The following OBP2B variants were observed in gnomAD, a reference collection of about 807,000 sequenced individuals.
OBP2B encodes the protein odorant-binding protein 2b.
Under a neutral mutation model 21.7 loss-of-function variants are expected in OBP2B, and 10 were observed. The observed-to-expected ratio is 0.46, with a 90% CI of 0.28 to 0.78. OBP2B has a LOEUF of 0.78. OBP2B is among the 30% of genes least tolerant of loss of function. OBP2B has a pLI of 0.11. For synonymous variants in OBP2B, 73 were observed against 91.5 expected (o/e 0.80, Z 1.16); for missense variants, 153 against 217.7 (o/e 0.70, Z 1.87).
At chr9:133,220,537 G>C in the OBP2B span, among the ~76,000 whole-genome samples, 67 of 151,132 alleles carry the variant, frequency 4.4e-4, no homozygotes, top group African/African-American at 1.6e-3. Flanking sequence ...ACTGAATAAT[G>C]GTCCCCTGAA....
At chr9:133,206,491 G>A in intron 4 of OBP2B, 75 bp from the exon 5 acceptor site, 1 of 1,582,796 alleles carries the variant, frequency 6.3e-7, no homozygotes, top group Non-Finnish European at 8.6e-7. Context: ...GCCGAAAGGA[G>A]ACGACCACGG....
chr9:133,211,783 A>T (rs1466633917), upstream of OBP2B, among the ~76,000 whole-genome samples: 1 of 152,216 alleles, frequency 6.6e-6, no homozygotes, highest in African/African-American at 2.4e-5. Context: ...TGAGAAAATA[A>T]ATTTTTGTTC....
chr9:133,212,235 T>C (rs1304269148), upstream of OBP2B, among the ~76,000 whole-genome samples: 4 of 152,220 alleles, frequency 2.6e-5, no homozygotes, highest in African/African-American at 9.7e-5. Context: ...GCCACAATTA[T>C]AGTTGGAGAC....
intron 1 of OBP2B, 111 bp from the exon 2 acceptor site, chr9:133,208,713 C>T (rs1833831119): frequency 6.6e-7 from 1 of 1,515,514 alleles, no homozygotes; most frequent in Non-Finnish European, 8.9e-7. Context: ...GGCTGCTGCC[C>T]TTAAAGGCAG....
the OBP2B span, among the ~76,000 whole-genome samples, chr9:133,222,976 G>A: frequency 6.6e-6 from 1 of 152,122 alleles, no homozygotes; most frequent in Admixed American, 6.5e-5. Context: ...GCACAAAGTG[G>A]CATGGAACCA....
intron 3 of OBP2B, chr9:133,207,701 T>C: frequency 1.8e-6 from 1 of 542,766 alleles, no homozygotes; most frequent in Non-Finnish European, 3.3e-6. Context: ...ACCCTCGGCC[T>C]CCTCATCCCT....
chr9:133,221,375 G>A, the OBP2B span, among the ~76,000 whole-genome samples: 1 of 152,220 alleles, frequency 6.6e-6, no homozygotes, highest in Non-Finnish European at 1.5e-5. Context: ...CGCGTGTGCA[G>A]ATTGCTTGGG....
Position 133,209,042 on chromosome 9 carries a change from A to G in OBP2B, c.72+86T>C, listed in dbSNP as rs1833850114. The G allele has an allele frequency of 6.4e-7, 1 of 1,558,124 alleles. No individual in the cohort carries two copies. Among genetic ancestry groups the G allele is most frequent in the Admixed American group, 1.9e-5 (1 of 52,024 alleles). Reference sequence around the variant, plus strand: ...CGGGGTCAGAAGCCAGCCTTCAGTGACACCTCCTAAAGCAGGGCCCCTGGC... The same window carrying G: ...CGGGGTCAGAAGCCAGCCTTCAGTGGCACCTCCTAAAGCAGGGCCCCTGGC... On this transcript the variant is annotated intron_variant, in intron 1 of 6. Coordinates refer to ENST00000372034, the MANE Select transcript of OBP2B (RefSeq NM_014581.4). The surrounding 1 kb of genome is among the most constrained non-coding windows in gnomAD (Gnocchi z 6.0).
chr9:133,210,122 C>T (rs1290538870), upstream of OBP2B, among the ~76,000 whole-genome samples: 24 of 152,140 alleles, frequency 1.6e-4, no homozygotes, highest in Non-Finnish European at 2.9e-5. Flanking sequence ...GCTCAGAGTT[C>T]GTGGCTGAGG....
upstream of OBP2B, among the ~76,000 whole-genome samples, chr9:133,210,416 C>A (rs1320158471): frequency 6.6e-6 from 1 of 152,152 alleles, no homozygotes; most frequent in Admixed American, 6.5e-5. Context: ...TCCCTCACCC[C>A]TCCCACGGCA....
In OBP2B at chr9:133,208,116, G is replaced by C; in HGVS notation, c.277+17C>G. 6.3e-7 allele frequency: 1 copy of C among 1,587,900 alleles called. No homozygotes were observed. Among genetic ancestry groups the C allele is most frequent in the Non-Finnish European group, 8.6e-7 (1 of 1,169,158 alleles). Reference sequence around the variant, plus strand: ...GCGGTGGGGGAGGGTGGGGGTGGGAGTGGGGGAGGGGCTCACAGGCGCTGT... The same window carrying C: ...GCGGTGGGGGAGGGTGGGGGTGGGACTGGGGGAGGGGCTCACAGGCGCTGT... On this transcript the variant is annotated intron_variant, in intron 3 of 6. Transcript: ENST00000372034.
At chr9:133,210,877 A>T (rs1833903615), upstream of OBP2B, among the ~76,000 whole-genome samples, 1 of 152,114 alleles carries the variant, frequency 6.6e-6, no homozygotes, top group South Asian at 2.1e-4. Flanking sequence ...GTTGGGGGTC[A>T]ACCCATGGCA....
At chr9:133,220,582 T>G in the OBP2B span, among the ~76,000 whole-genome samples, 5 of 151,324 alleles carry the variant, frequency 3.3e-5, no homozygotes, top group African/African-American at 1.2e-4. Context: ...CCTGTGGATG[T>G]GTGTATGTGG....
chr9:133,208,973 G>C (rs1449351614), intron 1 of OBP2B, among the ~76,000 whole-genome samples, 155 bp downstream of exon 1: 1 of 151,150 alleles, frequency 6.6e-6, no homozygotes, highest in African/African-American at 2.4e-5. Flanking sequence ...GTGTCTGCTG[G>C]AGGAACAATA....
chr9:133,207,244 G>A lies in OBP2B; in HGVS notation c.370C>T (p.His124Tyr), dbSNP rs3178136. The A allele has an allele frequency of 6.2e-7, 1 of 1,613,390 alleles. No homozygotes were observed. Residue 124 changes from histidine (H) to tyrosine (Y), a missense_variant, in exon 4 of 7, where the codon CAC (histidine) becomes TAC (tyrosine). Coordinates refer to ENST00000372034, the MANE Select transcript of OBP2B (RefSeq NM_014581.4). Reference sequence around the variant, plus strand: ...CCCTCACCCACAAGCTTTCCCATGTGGAGCAGGCCCCCATGGTGCTGGTCT... The same window carrying A: ...CCCTCACCCACAAGCTTTCCCATGTAGAGCAGGCCCCCATGGTGCTGGTCT... ...CKDQHHGGLL[H>Y]MGKLVGRNSD...
chr9:133,215,697 T>G, the OBP2B span, among the ~76,000 whole-genome samples: 3 of 152,150 alleles, frequency 2.0e-5, no homozygotes, highest in African/African-American at 7.2e-5. Flanking sequence ...GGCTACCCTT[T>G]CAAGACTCAT....
chr9:133,206,112 G>A (rs1391721798), intron 5 of OBP2B, among the ~76,000 whole-genome samples, 172 bp from the exon 6 acceptor site: 11 of 149,596 alleles, frequency 7.4e-5, no homozygotes, highest in South Asian at 2.1e-4. Flanking sequence ...AGCCCAGAGC[G>A]CGGAGCCCCA....
the OBP2B span, among the ~76,000 whole-genome samples, chr9:133,221,043 G>A: frequency 5.9e-5 from 9 of 152,142 alleles, no homozygotes; most frequent in East Asian, 3.8e-4. Context: ...TTTTAGCCCC[G>A]TGAAACATAC....
chr9:133,207,712 A>T, intron 3 of OBP2B: 1 of 585,174 alleles, frequency 1.7e-6, no homozygotes, highest in Non-Finnish European at 3.0e-6. Flanking sequence ...CCTCATCCCT[A>T]ACCCTCAGCT....
Sources: allele counts gnomAD v4.1 joint callset (sites outside exome capture counted in the v4.1 genomes callset), GRCh38; gene constraint gnomAD v4.1.1; non-coding constraint Gnocchi (gnomAD v3.1); transcripts MANE v1.5; gene names NCBI Gene and HGNC (gene_info 2026-07-23, HGNC 2026-07-21).